Variants in TEX14 observed in about 807,000 individuals in gnomAD.
The protein encoded by TEX14 is inactive serine/threonine-protein kinase TEX14.
Under a neutral mutation model 178.6 loss-of-function variants are expected in TEX14, and 168 were observed. The ratio of observed to expected loss-of-function variants is 0.94; its 90% CI spans 0.83 to 1.07. The LOEUF is 1.07. Among genes scored for constraint, TEX14 ranks in the 50% least tolerant of loss-of-function variants. TEX14 has a pLI of 0.00. For synonymous variants in TEX14, 626 were observed against 634.1 expected, an observed-to-expected ratio of 0.99 and a Z score of 0.19; for missense variants, 1,730 against 1,753.6, an observed-to-expected ratio of 0.99 and a Z score of 0.24.
At chr17:58,622,800 C>G (rs1671864579) in intron 4 of TEX14, 47 bp downstream of exon 4, 8 of 1,557,964 alleles carry the variant, frequency 5.1e-6, no homozygotes, top group Non-Finnish European at 7.0e-6. Flanking sequence ...ACTCTCAGCC[C>G]AGTACTCTTC....
chr17:58,594,922 T>C (rs1211602801), intron 14 of TEX14, among the ~76,000 whole-genome samples: 4 of 152,140 alleles, frequency 2.6e-5, no homozygotes, highest in African/African-American at 9.7e-5. Context: ...GCAACAAATA[T>C]GGAGTTTGAG....
At chr17:58,672,582 C>T (rs7224468) in intron 1 of TEX14, among the ~76,000 whole-genome samples, 26,063 of 151,926 alleles carry the variant, frequency 0.17, 2,374 homozygotes, top group Non-Finnish European at 0.19. Flanking sequence ...TATAGGCACG[C>T]GCCACCAGGC....
At chr17:58,584,764 C>G (rs2044911849) in intron 18 of TEX14, among the ~76,000 whole-genome samples, 164 bp from the exon 19 acceptor site, 1 of 152,296 alleles carries the variant, frequency 6.6e-6, no homozygotes, top group Middle Eastern at 3.4e-3. Context: ...GTTAGTTTAG[C>G]CTGACCCCAA....
At chr17:58,625,666 TTA>T (rs1483082247) in intron 3 of TEX14, among the ~76,000 whole-genome samples, 3 of 112,642 alleles carry the variant, frequency 2.7e-5, no homozygotes, top group Admixed American at 2.3e-4. Flanking sequence ...ACTCAGAAGT[TTA>T]TTTTATTTGG....
rs1457045640 is a variant in TEX14, at chr17:58,601,803, T to C, written c.1678+3A>G. ...TAACACAACCTGTGAATTAAGGCCA[T>C]ACCCATTTCCTTTAGTTCTATGATT... On this transcript the variant is annotated splice_donor_region_variant and intron_variant, in intron 13 of 31. Coordinates refer to ENST00000349033, the MANE Select transcript of TEX14 (RefSeq NM_031272.5). 4 of 1,611,986 alleles carry C rather than the reference T, an allele frequency of 2.5e-6. No individual in the cohort carries two copies. Among genetic ancestry groups the C allele is most frequent in the Non-Finnish European group, 8.5e-7 (1 of 1,179,568 alleles).
At chr17:58,634,857 C>T (rs1458513484) in intron 2 of TEX14, among the ~76,000 whole-genome samples, 1 of 152,088 alleles carries the variant, frequency 6.6e-6, no homozygotes, top group Admixed American at 6.5e-5. Context: ...TCCAGCCAGG[C>T]ATGGTGGCTC....
chr17:58,619,821 G>C (rs2045957505), intron 5 of TEX14, among the ~76,000 whole-genome samples: 1 of 151,780 alleles, frequency 6.6e-6, no homozygotes, highest in African/African-American at 2.4e-5. Context: ...AAAAAAGGTG[G>C]GGGAAGAGGA....
chr17:58,579,834 T>C (rs2044769168), intron 19 of TEX14, 103 bp from the exon 20 acceptor site: 1 of 920,794 alleles, frequency 1.1e-6, no homozygotes, highest in African/African-American at 1.7e-5. Context: ...AAAATCTTCA[T>C]AAGATCCCTG....
intron 1 of TEX14, among the ~76,000 whole-genome samples, chr17:58,685,262 C>T (rs536429145): frequency 5.3e-4 from 81 of 151,524 alleles, no homozygotes; most frequent in Non-Finnish European, 9.7e-4. Flanking sequence ...GGTGAAACAC[C>T]GTCTCTACTA....
intron 1 of TEX14, among the ~76,000 whole-genome samples, chr17:58,660,124 G>A (rs1040844850): frequency 6.6e-6 from 1 of 150,948 alleles, no homozygotes; most frequent in African/African-American, 2.4e-5. Context: ...AACACTTTAG[G>A]CCAGGCGCGG....
chr17:58,689,917 T>C (rs1386250702), intron 1 of TEX14, among the ~76,000 whole-genome samples: 1 of 150,840 alleles, frequency 6.6e-6, no homozygotes, highest in African/African-American at 2.4e-5. Flanking sequence ...TGGCGTGATC[T>C]AGGCTCACTG....
At position 58,616,285 on chromosome 17, in the gene TEX14, T is replaced by G; in HGVS notation, c.657A>C (p.Thr219=). Residue 219 remains threonine, a synonymous_variant, in exon 7 of 32, where the codon ACA becomes ACC. Transcript: ENST00000349033. ...GFGKFYLTGA[T]QMAYLGSLPV... ...GAAGAGATCCTAGATAGGCCATCTG[T>G]GTCGCCCCAGTAAGATAAAACTGAA... The G allele has an allele frequency of 1.2e-6, 2 of 1,613,616 alleles. No homozygotes were observed. The highest frequency in any genetic ancestry group is 1.1e-5 in the South Asian group (1 of 91,012).
At chr17:58,559,695 G>C (rs2044234071) in intron 29 of TEX14, 133 bp from the exon 30 acceptor site, 1 of 618,264 alleles carries the variant, frequency 1.6e-6, no homozygotes, top group Non-Finnish European at 2.9e-6. Context: ...TAACAAGAGT[G>C]TTCTCTATGC....
chr17:58,621,707 A>G lies in TEX14; in HGVS notation c.497T>C (p.Ile166Thr), dbSNP rs1471086309. The G allele has an allele frequency of 2.5e-6, 4 of 1,614,194 alleles. No homozygotes were observed. Among genetic ancestry groups the G allele is most frequent in the East Asian group, 2.2e-5 (1 of 44,878 alleles). ...QGFSYDLLKK[I>T]DSPQRLVYSP... Reference sequence around the variant, plus strand: ...GTAGACAAGCCGCTGCGGGGAGTCTATCTTCTTCAGGAGGTCGTAAGAGAA... The same window carrying G: ...GTAGACAAGCCGCTGCGGGGAGTCTGTCTTCTTCAGGAGGTCGTAAGAGAA... Residue 166 changes from isoleucine to threonine, a missense_variant, in exon 5 of 32, where the codon ATA becomes ACA. Physicochemically the swap from Ile to Thr is moderately conservative, Grantham distance 89 (BLOSUM62 -1). Coordinates refer to ENST00000349033, the MANE Select transcript of TEX14 (RefSeq NM_031272.5).
chr17:58,674,779 A>C (rs1005352409), intron 1 of TEX14, among the ~76,000 whole-genome samples: 22 of 151,804 alleles, frequency 1.4e-4, no homozygotes, highest in African/African-American at 5.3e-4. Flanking sequence ...ATAGTATGTC[A>C]ATTATCCTTC....
intron 5 of TEX14, 70 bp downstream of exon 5, chr17:58,621,580 A>G: frequency 6.7e-7 from 1 of 1,501,176 alleles, no homozygotes. Flanking sequence ...GAGGCAACCC[A>G]TGCTGCAGGG....
At chr17:58,560,663 C>T (rs1567987271) in intron 29 of TEX14, among the ~76,000 whole-genome samples, 1 of 152,154 alleles carries the variant, frequency 6.6e-6, no homozygotes, top group Non-Finnish European at 1.5e-5. Context: ...ATCTGCCTTT[C>T]TCAGGCTGAG....
At chr17:58,603,312 T>G (rs1468859142) in intron 11 of TEX14, among the ~76,000 whole-genome samples, 2 of 151,826 alleles carry the variant, frequency 1.3e-5, no homozygotes, top group East Asian at 3.9e-4. Flanking sequence ...CCTAGCACTT[T>G]GGGAGGCCGA....
At chr17:58,636,111 G>A (rs1255289984) in intron 2 of TEX14, among the ~76,000 whole-genome samples, 1 of 152,194 alleles carries the variant, frequency 6.6e-6, no homozygotes, top group Admixed American at 6.6e-5. Flanking sequence ...GGGGATACAG[G>A]TGGCAGGAAA....
Sources: allele counts gnomAD v4.1 joint callset (sites outside exome capture counted in the v4.1 genomes callset), GRCh38; gene constraint gnomAD v4.1.1; transcripts MANE v1.5; gene names NCBI Gene and HGNC (gene_info 2026-07-23, HGNC 2026-07-21).